The following MRPS28 variants were observed in gnomAD, a reference collection of about 807,000 sequenced individuals.
MRPS28 encodes mitochondrial ribosomal protein S28.
In MRPS28, 7 loss-of-function variants were observed where a neutral mutation model predicts 10.8. The ratio of observed to expected loss-of-function variants is 0.65; its 90% CI spans 0.37 to 1.22. MRPS28 has a LOEUF of 1.22. Among genes scored for constraint, MRPS28 ranks in the 50% most tolerant of loss-of-function variants. MRPS28 has a pLI of 0.02. For synonymous variants in MRPS28, 121 were observed against 93.3 expected (o/e 1.30, Z -1.71); for missense variants, 265 against 232.9 (o/e 1.14, Z -0.90).
At chr8:79,994,056 A>G (rs1302022997) in intron 2 of MRPS28, among the ~76,000 whole-genome samples, 1 of 152,226 alleles carries the variant, frequency 6.6e-6, no homozygotes, top group Non-Finnish European at 1.5e-5. Context: ...ATAGAGAGCC[A>G]GCATAGAGAC....
intron 2 of MRPS28, among the ~76,000 whole-genome samples, chr8:79,929,910 A>G (rs1806411574): frequency 6.6e-6 from 1 of 152,190 alleles, no homozygotes; most frequent in African/African-American, 2.4e-5. Flanking sequence ...AGAAAGCATG[A>G]AAGCTGGAAA....
chr8:79,974,241 T>C (rs964967250), intron 2 of MRPS28, among the ~76,000 whole-genome samples: 1 of 152,022 alleles, frequency 6.6e-6, no homozygotes, highest in Non-Finnish European at 1.5e-5. Flanking sequence ...TTTCTAAACA[T>C]ATACATATAA....
intron 2 of MRPS28, among the ~76,000 whole-genome samples, chr8:79,996,466 G>A (rs1347508823): frequency 6.6e-6 from 1 of 152,210 alleles, no homozygotes; most frequent in Admixed American, 6.5e-5. Flanking sequence ...TCTAGAGGCT[G>A]GAAGTCCAGG....
chr8:80,019,144 AG>A (rs1431616980), intron 1 of MRPS28, among the ~76,000 whole-genome samples: 6 of 151,978 alleles, frequency 3.9e-5, no homozygotes, highest in Non-Finnish European at 8.8e-5. Flanking sequence ...AGAGCACAAC[AG>A]GGTGATAAGC....
intron 2 of MRPS28, among the ~76,000 whole-genome samples, chr8:79,967,628 T>A (rs964830354): frequency 2.0e-5 from 3 of 152,182 alleles, no homozygotes; most frequent in African/African-American, 7.2e-5. Context: ...GATGGAATCC[T>A]AACACCACCC....
intron 2 of MRPS28, among the ~76,000 whole-genome samples, chr8:79,987,664 A>C (rs1370088346): frequency 2.0e-5 from 3 of 152,244 alleles, no homozygotes; most frequent in Non-Finnish European, 2.9e-5. Flanking sequence ...CAGCCAAAAA[A>C]CACATGAAAA....
At chr8:80,008,352 C>A (rs1293902331) in intron 1 of MRPS28, among the ~76,000 whole-genome samples, 3 of 134,956 alleles carry the variant, frequency 2.2e-5, no homozygotes, top group East Asian at 4.8e-4. Context: ...CCATACAGGA[C>A]AAAGGCATGG....
At chr8:79,999,188 C>G (rs1808589407) in intron 2 of MRPS28, among the ~76,000 whole-genome samples, 1 of 152,232 alleles carries the variant, frequency 6.6e-6, no homozygotes. Flanking sequence ...AGAAGCTGCT[C>G]AGTCAGAGGC....
intron 2 of MRPS28, among the ~76,000 whole-genome samples, chr8:79,934,559 CT>C (rs1377749678): frequency 6.6e-6 from 1 of 152,172 alleles, no homozygotes; most frequent in African/African-American, 2.4e-5. Flanking sequence ...TACAACACAG[CT>C]AATTGTTCTA....
chr8:79,921,450 TC>T (rs1365005303), intron 2 of MRPS28, among the ~76,000 whole-genome samples: 1 of 151,226 alleles, frequency 6.6e-6, no homozygotes, highest in African/African-American at 2.4e-5. Flanking sequence ...TTTGTTTGTA[TC>T]CTCTTTTATT....
Position 79,923,303 on chromosome 8 carries a change from T to G in MRPS28, c.396-4155A>C, listed in dbSNP as rs569208836. On this transcript the variant is annotated intron_variant, in intron 2 of 2. Coordinates refer to ENST00000276585, the MANE Select transcript of MRPS28 (RefSeq NM_014018.3). ...GATTCACAGATTCTTCTGCTCCTCCTTAAGTTTTCAATTACCTATGACCTC... is the reference window on the plus strand; with the variant it reads ...GATTCACAGATTCTTCTGCTCCTCCGTAAGTTTTCAATTACCTATGACCTC... 4.2e-4 allele frequency among the ~76,000 whole-genome samples: 64 copies of G among 152,336 alleles called. 1 individual carries two copies. Among genetic ancestry groups the G allele is most frequent in the African/African-American group, 1.5e-3 (63 of 41,590 alleles).
chr8:80,011,309 G>GC (rs1809040954), intron 1 of MRPS28, among the ~76,000 whole-genome samples: 1 of 151,610 alleles, frequency 6.6e-6, no homozygotes, highest in Admixed American at 6.6e-5. Context: ...GGCAGGTCCT[G>GC]CCCACTTTCC....
chr8:79,961,533 T>G (rs935218950), intron 2 of MRPS28, among the ~76,000 whole-genome samples: 3 of 152,126 alleles, frequency 2.0e-5, no homozygotes, highest in African/African-American at 7.2e-5. Context: ...TATTACTTTA[T>G]AGGAAAATAA....
intron 1 of MRPS28, among the ~76,000 whole-genome samples, chr8:80,006,754 G>A (rs1344036005): frequency 2.0e-3 from 286 of 139,868 alleles, no homozygotes; most frequent in South Asian, 3.4e-3. Flanking sequence ...ACCAATAACA[G>A]GCTCTGAAAT....
intron 2 of MRPS28, among the ~76,000 whole-genome samples, chr8:79,998,729 C>T (rs1176637195): frequency 6.6e-6 from 1 of 152,104 alleles, no homozygotes; most frequent in Non-Finnish European, 1.5e-5. Flanking sequence ...AACTCTAGGG[C>T]GTTTTGGTAC....
At chr8:79,976,676 A>G (rs913708731) in intron 2 of MRPS28, among the ~76,000 whole-genome samples, 1 of 152,216 alleles carries the variant, frequency 6.6e-6, no homozygotes, top group Non-Finnish European at 1.5e-5. Flanking sequence ...ACTGCACTCC[A>G]GTCTGGGCAA....
intron 1 of MRPS28, among the ~76,000 whole-genome samples, chr8:80,005,475 T>A (rs556005072): frequency 0.016 from 2,365 of 152,012 alleles, 37 homozygotes; most frequent in African/African-American, 0.035. Flanking sequence ...CTAAAAGAGC[T>A]CCTGAAGGAA....
intron 1 of MRPS28, chr8:80,028,662 G>GGGGGGGGGGGGGGGGGGGGC (rs1809558299): frequency 2.1e-5 from 1 of 47,980 alleles, no homozygotes; most frequent in African/African-American, 7.6e-5. Flanking sequence ...GGGGGGCGGG[G>GGGGGGGGGGGGGGGGGGGGC]CCGGGCGGGG....
rs11988620 is a variant in MRPS28 at position 79,998,857 on chromosome 8, T to C, written c.395+4142A>G. Reference sequence around the variant, plus strand: ...AATATTCATTAATCAAAATATTTTCTGATCCCTATTAGTTGTTATAAGTCT... The same window carrying C: ...AATATTCATTAATCAAAATATTTTCCGATCCCTATTAGTTGTTATAAGTCT... On this transcript the variant is annotated intron_variant, in intron 2 of 2. Transcript: ENST00000276585. Among the ~76,000 whole-genome samples, 1,010 of 152,374 alleles carry C rather than the reference T, an allele frequency of 6.6e-3. 12 individuals are homozygous for C. Among genetic ancestry groups the C allele is most frequent in the African/African-American group, 0.022 (902 of 41,590 alleles).
Sources: gnomAD v4.1 joint callset for allele counts (sites outside exome capture counted in the v4.1 genomes callset) on GRCh38, gnomAD v4.1.1 for gene constraint, MANE v1.5 for transcripts, NCBI Gene and HGNC (gene_info 2026-07-23, HGNC 2026-07-21) for gene names.